EPHA6: variants seen among roughly 807,000 people sequenced by gnomAD.
EPHA6 encodes EPH receptor A6, also known as ephrin type-A receptor 6.
A neutral mutation model predicts 112.0 loss-of-function variants in EPHA6; 50 were observed. The observed-to-expected ratio is 0.45, with a 90% CI of 0.36 to 0.56. EPHA6 has a LOEUF of 0.56. EPHA6 is among the 20% of genes least tolerant of loss of function. The pLI is 0.00. For synonymous variants in EPHA6, 529 were observed against 490.7 expected, an observed-to-expected ratio of 1.08 and a Z score of -1.03; for missense variants, 1,280 against 1,417.4, an observed-to-expected ratio of 0.90 and a Z score of 1.56.
chr3:97,280,582 A>G (rs1433737332), intron 5 of EPHA6, among the ~76,000 whole-genome samples: 1 of 152,054 alleles, frequency 6.6e-6, no homozygotes, highest in African/African-American at 2.4e-5. Context: ...GAACTGGATT[A>G]TCTCTATGGT....
At chr3:96,993,686 C>T (rs748855106) in intron 3 of EPHA6, among the ~76,000 whole-genome samples, 1 of 152,158 alleles carries the variant, frequency 6.6e-6, no homozygotes, top group Non-Finnish European at 1.5e-5. Context: ...TATTTCTCTT[C>T]AGGAGTCTAA....
intron 5 of EPHA6, among the ~76,000 whole-genome samples, chr3:97,334,354 A>C (rs2082950313): frequency 6.6e-6 from 1 of 152,084 alleles, no homozygotes. Context: ...TTTCTGGAAT[A>C]GTTTGAATAA....
At chr3:97,145,059 T>G (rs1173762955) in intron 3 of EPHA6, among the ~76,000 whole-genome samples, 1 of 151,524 alleles carries the variant, frequency 6.6e-6, no homozygotes, top group Non-Finnish European at 1.5e-5. Context: ...AATATAAGTA[T>G]TTAAACTCTT....
intron 5 of EPHA6, among the ~76,000 whole-genome samples, chr3:97,278,096 C>G (rs576411142): frequency 5.9e-5 from 9 of 152,188 alleles, no homozygotes; most frequent in Non-Finnish European, 1.0e-4. Flanking sequence ...TTGTTTCTAA[C>G]TCTTGGCTAC....
At position 97,464,249 on chromosome 3, in the gene EPHA6, T is replaced by C. The variant is rs142064082; in HGVS notation, c.1895-11103T>C. ...CTGTCGGTAATCCAATGCATATGAC[T>C]GGGTGCCAGAGACAGGGAGAACAGT... On this transcript the variant is annotated intron_variant, in intron 7 of 17. Transcript: ENST00000389672. Among the ~76,000 whole-genome samples the C allele has an allele frequency of 1.0e-3, 156 of 152,196 alleles. 1 individual carries two copies. Among genetic ancestry groups the C allele is most frequent in the African/African-American group, 3.6e-3 (151 of 41,544 alleles).
chr3:97,186,806 A>C (rs2077151727), intron 3 of EPHA6, among the ~76,000 whole-genome samples: 1 of 152,136 alleles, frequency 6.6e-6, no homozygotes, highest in African/African-American at 2.4e-5. Context: ...TGTCAAATAC[A>C]GCCAGTAGCA....
chr3:97,636,553 ATAT>A (rs1172879682), intron 13 of EPHA6, among the ~76,000 whole-genome samples: 2 of 152,104 alleles, frequency 1.3e-5, no homozygotes, highest in East Asian at 3.9e-4. Flanking sequence ...GAGTTGGGAG[ATAT>A]TATCAGAGAG....
At chr3:97,589,438 A>G (rs2093522799) in intron 11 of EPHA6, among the ~76,000 whole-genome samples, 1 of 152,066 alleles carries the variant, frequency 6.6e-6, no homozygotes, top group Non-Finnish European at 1.5e-5. Context: ...TACATGACCT[A>G]TTAACTAGCA....
Position 97,004,484 on chromosome 3 carries a change from GTTGT to G in EPHA6, c.1114+16496_1114+16499del, listed in dbSNP as rs1281456477. On this transcript the variant is annotated intron_variant, in intron 3 of 17. Transcript: ENST00000389672. Reference sequence around the variant, plus strand: ...TGTCCTATGCCCACTTTTTGATGGGGTTGTTTGTCTTTTTCTTGTAAATATGTTT... The same window carrying G: ...TGTCCTATGCCCACTTTTTGATGGGGTTGTCTTTTTCTTGTAAATATGTTT... Among the ~76,000 whole-genome samples, 9 of 152,172 alleles carry G rather than the reference GTTGT, an allele frequency of 5.9e-5. No homozygotes were observed. The South Asian group carries it at 1.5e-3, about 25-fold the overall frequency.
At chr3:97,333,211 T>C (rs115658738) in intron 5 of EPHA6, among the ~76,000 whole-genome samples, 3,280 of 152,198 alleles carry the variant, frequency 0.022, 85 homozygotes, top group African/African-American at 0.067. Flanking sequence ...AAGTATTCAA[T>C]TTTACCTGGA....
chr3:97,519,487 T>C (rs1222601713), intron 10 of EPHA6, among the ~76,000 whole-genome samples: 1 of 152,182 alleles, frequency 6.6e-6, no homozygotes, highest in East Asian at 1.9e-4. Flanking sequence ...AATTCCACAC[T>C]AATTGTAAAG....
At chr3:97,324,418 TTTCTTTCTTTCTTTC>T (rs1364031332) in intron 5 of EPHA6, among the ~76,000 whole-genome samples, 4 of 127,242 alleles carry the variant, frequency 3.1e-5, no homozygotes, top group African/African-American at 1.4e-4. Flanking sequence ...TCTTTCTTTC[TTTCTTTCTTTCTTTC>T]TTTCTTTCTT....
At chr3:97,228,221 G>A (rs59788504) in intron 4 of EPHA6, among the ~76,000 whole-genome samples, 2,748 of 152,062 alleles carry the variant, frequency 0.018, 91 homozygotes, top group African/African-American at 0.057. Context: ...GTTGCATGGG[G>A]GAAGTTCTTT....
chr3:96,923,565 T>G (rs1390622904), intron 2 of EPHA6, among the ~76,000 whole-genome samples: 1 of 152,208 alleles, frequency 6.6e-6, no homozygotes, highest in Non-Finnish European at 1.5e-5. Context: ...TTGTGAAATT[T>G]TTATCCTATC....
intron 15 of EPHA6, among the ~76,000 whole-genome samples, chr3:97,734,480 A>G (rs2035172550): frequency 6.6e-6 from 1 of 152,068 alleles, no homozygotes; most frequent in African/African-American, 2.4e-5. Flanking sequence ...TATAAAGTGA[A>G]TAGAAAAATG....
intron 3 of EPHA6, among the ~76,000 whole-genome samples, chr3:97,146,654 CT>C (rs2076049987): frequency 6.6e-6 from 1 of 151,912 alleles, no homozygotes. Context: ...GCCTCCTCTT[CT>C]TTTTAAAAAA....
chr3:97,131,382 G>A (rs2075613285), intron 3 of EPHA6, among the ~76,000 whole-genome samples: 1 of 152,010 alleles, frequency 6.6e-6, no homozygotes, highest in Non-Finnish European at 1.5e-5. Flanking sequence ...AACAGATCAA[G>A]GTGTACTTAC....
At chr3:97,698,050 T>A (rs1363933572) in intron 14 of EPHA6, among the ~76,000 whole-genome samples, 1 of 152,230 alleles carries the variant, frequency 6.6e-6, no homozygotes, top group Non-Finnish European at 1.5e-5. Context: ...TTGCCCAGGC[T>A]GGAGTGCAGT....
chr3:97,450,402 A>T (rs1444636086), intron 7 of EPHA6, among the ~76,000 whole-genome samples: 1 of 152,012 alleles, frequency 6.6e-6, no homozygotes. Context: ...TATTTCACAG[A>T]TTTAAAAAAT....
Sources: gnomAD v4.1 joint callset for allele counts (sites outside exome capture counted in the v4.1 genomes callset) on GRCh38, gnomAD v4.1.1 for gene constraint, MANE v1.5 for transcripts, NCBI Gene and HGNC (gene_info 2026-07-23, HGNC 2026-07-21) for gene names.